The following PCDHA7 variants were observed in gnomAD, a reference collection of about 807,000 sequenced individuals.
PCDHA7 encodes the protein protocadherin alpha 7.
Under a neutral mutation model 57.2 loss-of-function variants are expected in PCDHA7, and 37 were observed. That is an observed-to-expected ratio of 0.65 (90% CI 0.50 to 0.85). The LOEUF is 0.85. Ranked by LOEUF, PCDHA7 falls within the 40% of genes least tolerant of loss-of-function variation. The pLI is 0.00. For missense variants in PCDHA7, 1,188 were observed against 1,241.8 expected (o/e 0.96, Z 0.65); for synonymous variants, 553 against 558.8 (o/e 0.99, Z 0.15).
At chr5:140,869,684 T>G in intron 1 of PCDHA7, 1 of 1,613,486 alleles carries the variant, frequency 6.2e-7, no homozygotes, top group Non-Finnish European at 8.5e-7. Flanking sequence ...AGACTGTCAC[T>G]TATTTTAAAG....
chr5:140,905,248 C>T (rs143714633), intron 1 of PCDHA7, among the ~76,000 whole-genome samples: 1,610 of 152,202 alleles, frequency 0.011, 17 homozygotes, highest in African/African-American at 0.028. Flanking sequence ...TTCATTCTTC[C>T]ACATGAGGCT....
intron 1 of PCDHA7, among the ~76,000 whole-genome samples, chr5:140,899,376 A>G (rs2153463773): frequency 6.6e-6 from 1 of 152,262 alleles, no homozygotes; most frequent in South Asian, 2.1e-4. Flanking sequence ...TCAATACCTA[A>G]TTTATTGAGA....
rs150698374 is a variant in PCDHA7 at position 140,841,827 on chromosome 5, C to A, written c.2355+5089C>A. The A allele has an allele frequency of 1.2e-3, 1,964 of 1,613,914 alleles. 22 individuals are homozygous for A. Among genetic ancestry groups the A allele is most frequent in the Non-Finnish European group, 7.1e-4 (841 of 1,179,854 alleles). ...GATGTTGGAGCTAACTCCGTGTTAA[C>A]CTACAGGCTTAGCTCTCATGATTAC... On this transcript the variant is annotated intron_variant, in intron 1 of 3. Transcript: ENST00000525929.
At chr5:141,003,245 A>T (rs1554258962) in intron 3 of PCDHA7, among the ~76,000 whole-genome samples, 1 of 152,216 alleles carries the variant, frequency 6.6e-6, no homozygotes, top group African/African-American at 2.4e-5. Context: ...TTTGCCAAAA[A>T]GATTCCTGGG....
intron 1 of PCDHA7, chr5:140,878,115 A>T: frequency 4.3e-6 from 1 of 232,352 alleles, no homozygotes; most frequent in Non-Finnish European, 8.1e-6. Flanking sequence ...AAAAAACAGT[A>T]TATTAGATTA....
At chr5:140,999,244 G>A (rs1554256717) in intron 3 of PCDHA7, among the ~76,000 whole-genome samples, 1 of 152,210 alleles carries the variant, frequency 6.6e-6, no homozygotes, top group African/African-American at 2.4e-5. Flanking sequence ...GTTAAAGTGG[G>A]AGTTGGATTA....
At chr5:140,876,861 C>A in intron 1 of PCDHA7, 2 of 1,614,088 alleles carry the variant, frequency 1.2e-6, no homozygotes, top group Non-Finnish European at 1.7e-6. Flanking sequence ...ACACAGTGTT[C>A]GTGAAGGAGA....
intron 1 of PCDHA7, chr5:140,856,684 A>G (rs1554148977): frequency 1.3e-6 from 2 of 1,597,646 alleles, no homozygotes; most frequent in Admixed American, 1.7e-5. Context: ...TGTTGTTGAC[A>G]GCAACTGATG....
intron 1 of PCDHA7, among the ~76,000 whole-genome samples, chr5:140,949,318 T>C (rs1554218908): frequency 6.6e-6 from 1 of 151,876 alleles, no homozygotes; most frequent in African/African-American, 2.4e-5. Flanking sequence ...GATTTATAAA[T>C]ATAAATTATT....
intron 1 of PCDHA7, chr5:140,852,843 A>G (rs2042491535): frequency 1.0e-6 from 1 of 969,432 alleles, no homozygotes; most frequent in Non-Finnish European, 1.2e-6. Context: ...TAGAGCTAGT[A>G]CTTACTAAGC....
Position 141,010,492 on chromosome 5 carries a change from C to T in PCDHA7, c.*555C>T. 8.0e-6 allele frequency: 5 copies of T among 628,626 alleles called. No homozygotes were observed. 38.9% of individuals were successfully genotyped at this position (628,626 alleles called of 1,614,324 possible). On this transcript the variant is annotated 3_prime_UTR_variant, in exon 4 of 4. Coordinates refer to ENST00000525929, the MANE Select transcript of PCDHA7 (RefSeq NM_018910.3). ...AGGGGAAGTGTAAACTTAAAGGGAC[C>T]AGACTTTCTAAATCTTACAACTCAA... is the stretch of plus-strand genomic sequence containing the variant.
chr5:140,849,948 CAGG>C (rs1562462413), intron 1 of PCDHA7: 1 of 1,597,844 alleles, frequency 6.3e-7, no homozygotes, highest in Admixed American at 1.7e-5. Flanking sequence ...CGCTGACGCG[CAGG>C]AGAACGCCCT....
At chr5:140,868,860 A>C (rs2050688614) in intron 1 of PCDHA7, 1 of 525,418 alleles carries the variant, frequency 1.9e-6, no homozygotes, top group Admixed American at 3.7e-5. Context: ...GTGGTGGTAA[A>C]TGCAGTGCAC....
At chr5:140,852,963 C>T in intron 1 of PCDHA7, 1 of 424,740 alleles carries the variant, frequency 2.4e-6, no homozygotes, top group Non-Finnish European at 3.3e-6. Context: ...ACTCCAAGCT[C>T]CCCCTCCCGT....
intron 1 of PCDHA7, among the ~76,000 whole-genome samples, chr5:140,931,648 T>G (rs1258876806): frequency 6.6e-6 from 1 of 152,014 alleles, no homozygotes; most frequent in African/African-American, 2.4e-5. Context: ...TGCTAATAAT[T>G]GTTGTGGGCT....
intron 1 of PCDHA7, chr5:140,876,018 A>G: frequency 6.2e-7 from 1 of 1,613,764 alleles, no homozygotes; most frequent in East Asian, 2.2e-5. Flanking sequence ...AGCTTAAAAT[A>G]AAAACAAAAA....
chr5:140,933,645 G>A lies in PCDHA7; in HGVS notation c.2356-45304G>A, dbSNP rs1014286392. Among the ~76,000 whole-genome samples the A allele has an allele frequency of 3.3e-5, 5 of 151,892 alleles. No individual in the cohort carries two copies. The South Asian group carries it at 8.3e-4, about 25-fold the overall frequency. On this transcript the variant is annotated intron_variant, in intron 1 of 3. Transcript: ENST00000525929. ...TAGGCTGGCCCTGTTAAACAAGTTG[G>A]AAATCCTGTCTCTCTCTCTGTCTCT...
rs1162515573 is a variant in PCDHA7, at chr5:140,941,250, T to C, written c.2356-37699T>C. 3.6e-5 allele frequency among the ~76,000 whole-genome samples: 5 copies of C among 139,366 alleles called. No homozygotes were observed. In the East Asian group the frequency reaches 1.0e-3, roughly 29 times the overall value. 91.4% of individuals were successfully genotyped at this position (139,366 alleles called of 152,430 possible). A position where few individuals can be genotyped will look rare whatever the true frequency, so the allele number is the denominator to read the frequency against. ...TTCTTTCTTTCTTTCTTTCTTTCTT[T>C]CTTTCTCTTTCTTTCTTTCTTTCCT... is the stretch of plus-strand genomic sequence containing the variant. On this transcript the variant is annotated intron_variant, in intron 1 of 3. Coordinates refer to ENST00000525929, the MANE Select transcript of PCDHA7 (RefSeq NM_018910.3).
chr5:140,924,907 AAAAT>A (rs1563068966), intron 1 of PCDHA7, among the ~76,000 whole-genome samples: 53 of 50,956 alleles, frequency 1.0e-3, no homozygotes, highest in African/African-American at 2.1e-3. Flanking sequence ...AAAAAAAAAT[AAAAT>A]AAAATAAAAT....
Sources: allele counts gnomAD v4.1 joint callset (sites outside exome capture counted in the v4.1 genomes callset), GRCh38; gene constraint gnomAD v4.1.1; transcripts MANE v1.5; gene names NCBI Gene and HGNC (gene_info 2026-07-23, HGNC 2026-07-21).